Variants in PALLD observed in about 807,000 individuals in gnomAD.
PALLD encodes the protein palladin.
PALLD carries 61 observed loss-of-function variants against 123.5 expected under a neutral mutation model. The observed-to-expected ratio is 0.49, with a 90% CI of 0.40 to 0.61. The LOEUF (loss-of-function observed/expected upper bound fraction) is 0.61. Among genes scored for constraint, PALLD ranks in the 20% least tolerant of loss-of-function variants. The pLI is 0.00. For synonymous variants in PALLD, 465 were observed against 496.4 expected, an observed-to-expected ratio of 0.94 and a Z score of 0.84; for missense variants, 1,273 against 1,377.0, an observed-to-expected ratio of 0.92 and a Z score of 1.20.
intron 10 of PALLD, among the ~76,000 whole-genome samples, chr4:168,816,431 A>ATTGGAGTG (rs1362220275): frequency 1.4e-5 from 2 of 142,106 alleles, no homozygotes; most frequent in Non-Finnish European, 3.1e-5. Context: ...TAAGTATTAG[A>ATTGGAGTG]TTGGAGTGCT....
In PALLD at chr4:168,754,121, C is replaced by T. The variant is rs148316841; in HGVS notation, c.1964+42198C>T. ...AGTATTTAGAGCCTCTAGTAATTGT[C>T]CTTGTAGAATTTGAAGAAGGTTGCA... On this transcript the variant is annotated intron_variant, in intron 10 of 21. Transcript: ENST00000505667. Among the ~76,000 whole-genome samples, 253 of 152,214 alleles carry T rather than the reference C, an allele frequency of 1.7e-3. 1 individual carries two copies. The highest frequency in any genetic ancestry group is 5.9e-3 in the African/African-American group (245 of 41,538).
intron 15 of PALLD, among the ~76,000 whole-genome samples, chr4:168,912,266 T>C (rs1044021021): frequency 2.0e-5 from 3 of 152,220 alleles, no homozygotes; most frequent in Non-Finnish European, 4.4e-5. Flanking sequence ...TGAGTGTAAG[T>C]GCATGAGGGC....
At chr4:168,558,558 C>T (rs1767560072) in intron 2 of PALLD, among the ~76,000 whole-genome samples, 1 of 152,236 alleles carries the variant, frequency 6.6e-6, no homozygotes, top group Non-Finnish European at 1.5e-5. Context: ...TCTTCCCTCT[C>T]CGAACTCTGA....
intron 2 of PALLD, among the ~76,000 whole-genome samples, chr4:168,605,693 T>A (rs1383737137): frequency 6.6e-6 from 1 of 152,196 alleles, no homozygotes; most frequent in Non-Finnish European, 1.5e-5. Flanking sequence ...GCGGCTAGCA[T>A]GTTTGTTCTA....
Position 168,681,335 on chromosome 4 carries a change from C to G in PALLD, c.1091C>G (p.Ala364Gly). 6.3e-7 allele frequency: 1 copy of G among 1,593,192 alleles called. No individual in the cohort carries two copies. The highest frequency in any genetic ancestry group is 8.6e-7 in the Non-Finnish European group (1 of 1,161,406). Residue 364 changes from alanine (A) to glycine (G), a missense_variant, in exon 4 of 22, where the codon GCC becomes GGC. Ala to Gly is a moderately conservative substitution (Grantham distance 60, BLOSUM62 0). Transcript: ENST00000505667. ...ATTATCTTTAATACTTTCCCAGGTG[C>G]CAGTTCAACAGATTCTGACAGTGAA... ...TTSAEVFIEG[A>G]SSTDSDSESL... is the part of the protein sequence containing the mutation.
chr4:168,642,555 C>A (rs1198897693), intron 2 of PALLD, among the ~76,000 whole-genome samples: 4 of 152,180 alleles, frequency 2.6e-5, no homozygotes, highest in African/African-American at 9.7e-5. Context: ...GCGCCCGCCA[C>A]CACGCCCAGC....
chr4:168,637,866 AC>A (rs533545273), intron 2 of PALLD, among the ~76,000 whole-genome samples: 36 of 147,396 alleles, frequency 2.4e-4, no homozygotes, highest in African/African-American at 8.4e-4. Context: ...ATTGCTTGAA[AC>A]TGGGAGGCAG....
Position 168,825,822 on chromosome 4 carries a change from G to A in PALLD, c.1965-65100G>A, listed in dbSNP as rs140175364. On this transcript the variant is annotated intron_variant, in intron 10 of 21. Coordinates refer to ENST00000505667, the MANE Select transcript of PALLD (RefSeq NM_001166108.2). ...GAAATCTACATGAAATGCGACACAA[G>A]ATTCCTTGTTATGGTGTCACCAGAG... 2.0e-5 allele frequency among the ~76,000 whole-genome samples: 3 copies of A among 152,294 alleles called. No individual in the cohort carries two copies. In the East Asian group the frequency reaches 5.8e-4, roughly 29 times the overall value.
chr4:168,848,984 T>C (rs1747324952), intron 10 of PALLD, among the ~76,000 whole-genome samples: 1 of 152,204 alleles, frequency 6.6e-6, no homozygotes, highest in African/African-American at 2.4e-5. Context: ...GGGGGTTATT[T>C]TGTAGCTCTT....
intron 10 of PALLD, among the ~76,000 whole-genome samples, chr4:168,847,743 C>A (rs76959624): frequency 6.6e-6 from 1 of 151,970 alleles, no homozygotes; most frequent in African/African-American, 2.4e-5. Flanking sequence ...ACATGCAATG[C>A]GTAATAATCA....
Position 168,849,559 on chromosome 4 carries a change from G to A in PALLD, c.1965-41363G>A, listed in dbSNP as rs189054852. Reference sequence around the variant, plus strand: ...TTTTTAAAGTCTGAATTGAATTCTCGACTAGACTTTGAGACCCTGAGAAGG... The same window carrying A: ...TTTTTAAAGTCTGAATTGAATTCTCAACTAGACTTTGAGACCCTGAGAAGG... On this transcript the variant is annotated intron_variant, in intron 10 of 21. Transcript: ENST00000505667. 3.9e-5 allele frequency among the ~76,000 whole-genome samples: 6 copies of A among 152,244 alleles called. 1 individual carries two copies. In the South Asian group the frequency reaches 8.3e-4, roughly 21 times the overall value.
chr4:168,733,956 C>G (rs911193672), intron 10 of PALLD, among the ~76,000 whole-genome samples: 8 of 152,236 alleles, frequency 5.3e-5, no homozygotes, highest in African/African-American at 1.9e-4. Flanking sequence ...AGGATGGTCT[C>G]GATCTCCTGA....
rs187611831 is a variant in PALLD, at chr4:168,715,686, C to T, written c.1964+3763C>T. Among the ~76,000 whole-genome samples the T allele has an allele frequency of 2.9e-3, 435 of 152,318 alleles. 3 individuals are homozygous for T. Among genetic ancestry groups the T allele is most frequent in the African/African-American group, 1.0e-2 (415 of 41,554 alleles). On this transcript the variant is annotated intron_variant, in intron 10 of 21. Transcript: ENST00000505667. ...GTCCTTCAGCCAGGGCGCGGTGGCT[C>T]ACCCCTGTAATCCCAGTACTTTGGA...
intron 10 of PALLD, among the ~76,000 whole-genome samples, chr4:168,725,899 C>G (rs2150285684): frequency 6.6e-6 from 1 of 152,316 alleles, no homozygotes; most frequent in South Asian, 2.1e-4. Context: ...GTCTTCCAAA[C>G]AGTGCTAGTT....
chr4:168,760,047 CAA>C lies in PALLD; in HGVS notation c.1964+48139_1964+48140del, dbSNP rs550788154. Reference sequence around the variant, plus strand: ...CCAGCCTGGGCGACAGAGACTGTCTCAAAAAAAAAAAAAAAATTTATGTGCTG... The same window carrying C: ...CCAGCCTGGGCGACAGAGACTGTCTCAAAAAAAAAAAAAATTTATGTGCTG... On this transcript the variant is annotated intron_variant, in intron 10 of 21. Transcript: ENST00000505667. 9.4e-5 allele frequency among the ~76,000 whole-genome samples: 12 copies of C among 127,550 alleles called. 1 individual carries two copies. The highest frequency in any genetic ancestry group is 1.7e-4 in the African/African-American group (6 of 35,232). The allele number at this position is 127,550 out of a possible 152,430, so 83.7% of individuals were successfully genotyped here.
intron 4 of PALLD, among the ~76,000 whole-genome samples, 165 bp downstream of exon 4, chr4:168,681,563 T>TTTTTTTTTTTTTTTTTTTA (rs1781553310): frequency 6.9e-6 from 1 of 144,842 alleles, no homozygotes; most frequent in Non-Finnish European, 1.5e-5. Flanking sequence ...TTTTTTTTTT[T>TTTTTTTTTTTTTTTTTTTA]GAGACAGGGT....
At chr4:168,893,288 AATTT>A (rs1271461908) in intron 11 of PALLD, among the ~76,000 whole-genome samples, 1 of 152,206 alleles carries the variant, frequency 6.6e-6, no homozygotes, top group East Asian at 1.9e-4. Context: ...TGAGAAAATT[AATTT>A]AATAACATAG....
At chr4:168,719,185 C>T (rs745598619) in intron 10 of PALLD, among the ~76,000 whole-genome samples, 17 of 149,984 alleles carry the variant, frequency 1.1e-4, no homozygotes, top group African/African-American at 2.2e-4. Flanking sequence ...GGATTACAGG[C>T]GTGAGCCACT....
chr4:168,511,137 G>A (rs985346712), intron 1 of PALLD, among the ~76,000 whole-genome samples: 2 of 150,988 alleles, frequency 1.3e-5, no homozygotes, highest in African/African-American at 4.9e-5. Context: ...TAAGGTGGGC[G>A]GGGGGCTGAC....
Sources: gnomAD v4.1 joint callset for allele counts (sites outside exome capture counted in the v4.1 genomes callset) on GRCh38, gnomAD v4.1.1 for gene constraint, MANE v1.5 for transcripts, NCBI Gene and HGNC (gene_info 2026-07-23, HGNC 2026-07-21) for gene names.